COG5: variants seen among roughly 807,000 people sequenced by gnomAD.
The protein encoded by COG5 is component of oligomeric golgi complex 5.
Under a neutral mutation model 110.4 loss-of-function variants are expected in COG5, and 86 were observed. That is an observed-to-expected ratio of 0.78 (90% CI 0.65 to 0.93). The LOEUF (loss-of-function observed/expected upper bound fraction) is 0.93, where lower values mean the gene tolerates loss of function less well. Ranked by LOEUF, COG5 falls within the 40% of genes least tolerant of loss-of-function variation. The probability of loss-of-function intolerance (pLI) is 0.00; values close to 1 mark genes in which losing one functional copy is unlikely to be tolerated. For missense variants in COG5, 1,077 were observed against 987.0 expected (o/e 1.09, Z -1.22); for synonymous variants, 360 against 334.6 (o/e 1.08, Z -0.83).
At chr7:107,405,172 T>C (rs928363148) in intron 7 of COG5, among the ~76,000 whole-genome samples, 1 of 152,220 alleles carries the variant, frequency 6.6e-6, no homozygotes, top group African/African-American at 2.4e-5. Flanking sequence ...GTTAATTTCC[T>C]AACCTTTCCA....
At chr7:107,480,771 T>G (rs1797294817) in intron 6 of COG5, 1 of 152,116 alleles carries the variant, frequency 6.6e-6, no homozygotes, top group Non-Finnish European at 1.5e-5. Context: ...TTACAGATAT[T>G]TAGAACAAAA....
chr7:107,369,871 T>C (rs2129049122), intron 8 of COG5, among the ~76,000 whole-genome samples: 1 of 152,312 alleles, frequency 6.6e-6, no homozygotes, highest in East Asian at 1.9e-4. Context: ...AACTTAGTTC[T>C]GTCTTAGATT....
chr7:107,507,945 G>A (rs1174852905), intron 6 of COG5, among the ~76,000 whole-genome samples: 1 of 152,230 alleles, frequency 6.6e-6, no homozygotes, highest in Non-Finnish European at 1.5e-5. Context: ...ACAGCTCCCA[G>A]CGTGAGCGAC....
At chr7:107,207,924 A>G in intron 21 of COG5, 1 of 985,398 alleles carries the variant, frequency 1.0e-6, no homozygotes, top group Non-Finnish European at 1.2e-6. Flanking sequence ...ACAACCTAAC[A>G]TATTATGCTG....
intron 19 of COG5, among the ~76,000 whole-genome samples, chr7:107,226,288 T>C (rs141420219): frequency 6.6e-6 from 1 of 152,336 alleles, no homozygotes; most frequent in East Asian, 1.9e-4. Flanking sequence ...AGGAGACCCA[T>C]GAACAAGTGC....
intron 7 of COG5, among the ~76,000 whole-genome samples, chr7:107,373,909 A>G (rs1814407914): frequency 6.6e-6 from 1 of 152,202 alleles, no homozygotes; most frequent in South Asian, 2.1e-4. Flanking sequence ...TGTTATTTTA[A>G]TAATAGTACA....
chr7:107,275,390 T>C (rs2116751421), intron 14 of COG5, among the ~76,000 whole-genome samples: 1 of 152,046 alleles, frequency 6.6e-6, no homozygotes, highest in East Asian at 1.9e-4. Context: ...ACACTACTGA[T>C]TTGTTTCATC....
intron 11 of COG5, among the ~76,000 whole-genome samples, chr7:107,321,478 G>C (rs576896196): frequency 1.6e-4 from 25 of 152,216 alleles, no homozygotes; most frequent in African/African-American, 5.5e-4. Context: ...AAATGCAAAA[G>C]ACCTATGGTA....
At chr7:107,534,309 C>T (rs1481274329) in intron 5 of COG5, among the ~76,000 whole-genome samples, 3 of 151,524 alleles carry the variant, frequency 2.0e-5, no homozygotes, top group African/African-American at 2.4e-5. Flanking sequence ...AAAATTCACA[C>T]ATAACAATAT....
intron 6 of COG5, among the ~76,000 whole-genome samples, chr7:107,477,714 AAT>A (rs1042441531): frequency 4.0e-5 from 6 of 151,874 alleles, no homozygotes; most frequent in Admixed American, 3.9e-4. Flanking sequence ...AAACCAAAAT[AAT>A]ATGTGTTAAA....
At position 107,486,351 on chromosome 7, in the gene COG5, T is replaced by C. The variant is rs117564966; in HGVS notation, c.538+40886A>G. 6.9e-3 allele frequency among the ~76,000 whole-genome samples: 1,054 copies of C among 152,128 alleles called. 8 individuals are homozygous for C. The highest frequency in any genetic ancestry group is 0.014 in the Middle Eastern group (4 of 294). Reference sequence around the variant, plus strand: ...TTACCTAAAATACAATTCTGCTCATTTTCAACCCCTGATCACAAATCTTCA... The same window carrying C: ...TTACCTAAAATACAATTCTGCTCATCTTCAACCCCTGATCACAAATCTTCA... On this transcript the variant is annotated intron_variant, in intron 6 of 21. Transcript: ENST00000297135.
intron 1 of COG5, among the ~76,000 whole-genome samples, chr7:107,560,382 T>G (rs1803681047): frequency 6.6e-6 from 1 of 152,160 alleles, no homozygotes; most frequent in South Asian, 2.1e-4. Flanking sequence ...AAGTGACAAA[T>G]TTGACAAATA....
chr7:107,508,886 A>G (rs991857464), intron 6 of COG5, among the ~76,000 whole-genome samples: 2 of 152,162 alleles, frequency 1.3e-5, no homozygotes, highest in South Asian at 4.1e-4. Flanking sequence ...CCACACCAAA[A>G]ACCCTTCTGT....
intron 14 of COG5, among the ~76,000 whole-genome samples, chr7:107,272,073 G>C (rs895702492): frequency 6.6e-6 from 1 of 151,998 alleles, no homozygotes; most frequent in African/African-American, 2.4e-5. Context: ...AGAATCACAG[G>C]CCTCTTTAAA....
At chr7:107,374,131 T>C (rs1814428946) in intron 7 of COG5, among the ~76,000 whole-genome samples, 1 of 152,154 alleles carries the variant, frequency 6.6e-6, no homozygotes, top group Non-Finnish European at 1.5e-5. Context: ...CTTAATTTTA[T>C]GTTGTAAATT....
intron 10 of COG5, among the ~76,000 whole-genome samples, chr7:107,328,591 G>C (rs528320553): frequency 6.6e-6 from 1 of 152,246 alleles, no homozygotes; most frequent in South Asian, 2.1e-4. Context: ...GAAGCAGAAA[G>C]AATAATGGTA....
intron 11 of COG5, among the ~76,000 whole-genome samples, chr7:107,312,455 G>A (rs1808351651): frequency 6.6e-6 from 1 of 152,180 alleles, no homozygotes; most frequent in Admixed American, 6.5e-5. Context: ...AGAATTTTGT[G>A]GGAACTGACA....
At chr7:107,265,976 C>T (rs1803766303) in intron 14 of COG5, among the ~76,000 whole-genome samples, 1 of 152,010 alleles carries the variant, frequency 6.6e-6, no homozygotes, top group Non-Finnish European at 1.5e-5. Context: ...TTTTTGACCC[C>T]AGGAGGTCAA....
chr7:107,531,614 A>G (rs962427247), intron 5 of COG5, among the ~76,000 whole-genome samples: 1 of 151,720 alleles, frequency 6.6e-6, no homozygotes, highest in Non-Finnish European at 1.5e-5. Context: ...AATATTCACC[A>G]ATAATGAAAA....
Sources: gnomAD v4.1 joint callset for allele counts (sites outside exome capture counted in the v4.1 genomes callset) on GRCh38, gnomAD v4.1.1 for gene constraint, MANE v1.5 for transcripts, NCBI Gene and HGNC (gene_info 2026-07-23, HGNC 2026-07-21) for gene names.